The following DGKB variants were observed in gnomAD, a reference collection of about 807,000 sequenced individuals.
The protein encoded by DGKB is diacylglycerol kinase beta.
A neutral mutation model predicts 114.3 loss-of-function variants in DGKB; 67 were observed. The ratio of observed to expected loss-of-function variants is 0.59; its 90% CI spans 0.48 to 0.72. The LOEUF (loss-of-function observed/expected upper bound fraction) is 0.72, where lower values mean the gene tolerates loss of function less well. Among genes scored for constraint, DGKB ranks in the 30% least tolerant of loss-of-function variants. The pLI, the probability that DGKB is intolerant of heterozygous loss-of-function variation, is 0.00. For synonymous variants in DGKB, 398 were observed against 323.1 expected (o/e 1.23, Z -2.49); for missense variants, 907 against 975.2 (o/e 0.93, Z 0.93).
Position 14,788,327 on chromosome 7 carries a change from A to G in DGKB, c.71-30596T>C, listed in dbSNP as rs953299038. Among the ~76,000 whole-genome samples, 6 of 152,084 alleles carry G rather than the reference A, an allele frequency of 3.9e-5. No individual in the cohort carries two copies. In the East Asian group the frequency reaches 9.7e-4, roughly 24 times the overall value. On this transcript the variant is annotated intron_variant, in intron 2 of 25. Transcript: ENST00000402815. ...TGAAAGCTTCCACCACCACCTCAAA[A>G]TCCACCAAAGCCTTGTCTATTAACT...
intron 2 of DGKB, among the ~76,000 whole-genome samples, chr7:14,808,689 G>A (rs914059565): frequency 3.9e-5 from 6 of 152,074 alleles, no homozygotes; most frequent in Non-Finnish European, 7.4e-5. Context: ...GGTGGAAACT[G>A]ATGAGAATAG....
intron 20 of DGKB, among the ~76,000 whole-genome samples, chr7:14,541,981 T>C (rs1793539001): frequency 6.6e-6 from 1 of 152,188 alleles, no homozygotes; most frequent in Non-Finnish European, 1.5e-5. Flanking sequence ...GTGATTGTGC[T>C]AGACTCCATA....
intron 23 of DGKB, among the ~76,000 whole-genome samples, chr7:14,187,150 A>G (rs748109300): frequency 5.9e-5 from 9 of 152,250 alleles, no homozygotes; most frequent in Admixed American, 6.5e-5. Flanking sequence ...TGTAATCACA[A>G]AATTAAAATG....
intron 23 of DGKB, among the ~76,000 whole-genome samples, chr7:14,313,672 G>T (rs559948566): frequency 9.9e-5 from 15 of 152,276 alleles, no homozygotes; most frequent in Non-Finnish European, 2.1e-4. Flanking sequence ...AGCAGTCTGA[G>T]ATCAAACTGC....
intron 20 of DGKB, among the ~76,000 whole-genome samples, chr7:14,522,194 T>C (rs1013130187): frequency 6.6e-6 from 1 of 152,260 alleles, no homozygotes; most frequent in African/African-American, 2.4e-5. Context: ...ACATTTTAGA[T>C]TACATTTGAA....
chr7:14,893,782 C>A (rs927037129), intron 1 of DGKB, among the ~76,000 whole-genome samples: 2 of 151,294 alleles, frequency 1.3e-5, no homozygotes, highest in African/African-American at 4.8e-5. Context: ...AACTCAAATT[C>A]TAAATTATCT....
chr7:14,207,206 T>A (rs1212982877), intron 23 of DGKB, among the ~76,000 whole-genome samples: 2 of 152,050 alleles, frequency 1.3e-5, no homozygotes, highest in South Asian at 2.1e-4. Context: ...ATGTGATCCA[T>A]CAACATATGA....
intron 2 of DGKB, among the ~76,000 whole-genome samples, chr7:14,828,000 A>G (rs1845924963): frequency 6.6e-6 from 1 of 152,086 alleles, no homozygotes; most frequent in Non-Finnish European, 1.5e-5. Flanking sequence ...AAACTTGGGG[A>G]AGGTGGCAGC....
At chr7:14,456,940 A>G (rs1832370759) in intron 21 of DGKB, among the ~76,000 whole-genome samples, 1 of 152,090 alleles carries the variant, frequency 6.6e-6, no homozygotes, top group African/African-American at 2.4e-5. Context: ...AAGAAAAGAG[A>G]TAGGACCCCT....
intron 15 of DGKB, among the ~76,000 whole-genome samples, chr7:14,618,038 A>G (rs537888266): frequency 8.4e-4 from 128 of 151,744 alleles, no homozygotes; most frequent in African/African-American, 3.1e-3. Flanking sequence ...TTCTGGGTTT[A>G]CATTGAGAGT....
At chr7:14,451,074 C>G (rs1187034498) in intron 21 of DGKB, among the ~76,000 whole-genome samples, 4 of 152,016 alleles carry the variant, frequency 2.6e-5, no homozygotes, top group African/African-American at 9.7e-5. Flanking sequence ...TAGAGACCAT[C>G]TGCCATCTGG....
At chr7:14,314,227 C>T (rs1309076812) in intron 23 of DGKB, among the ~76,000 whole-genome samples, 4 of 152,146 alleles carry the variant, frequency 2.6e-5, no homozygotes, top group Non-Finnish European at 4.4e-5. Context: ...CAGAGCGCCT[C>T]TCCTCCTCCA....
At chr7:14,482,161 C>A (rs560510035) in intron 20 of DGKB, among the ~76,000 whole-genome samples, 100 of 151,956 alleles carry the variant, frequency 6.6e-4, no homozygotes, top group African/African-American at 2.2e-3. Flanking sequence ...ATAATACCTG[C>A]CTTGCTTTGA....
intron 1 of DGKB, among the ~76,000 whole-genome samples, chr7:14,926,489 T>G (rs1265821289): frequency 6.6e-6 from 1 of 151,562 alleles, no homozygotes; most frequent in Non-Finnish European, 1.5e-5. Context: ...GCATTATGTT[T>G]AGTGTTTTTT....
At chr7:14,169,183 C>T (rs1458409755) in intron 25 of DGKB, among the ~76,000 whole-genome samples, 1 of 143,040 alleles carries the variant, frequency 7.0e-6, no homozygotes. Flanking sequence ...CACGGTGAAA[C>T]CCAGTCTCTA....
At chr7:14,423,404 T>C (rs760661991) in intron 21 of DGKB, among the ~76,000 whole-genome samples, 2 of 152,054 alleles carry the variant, frequency 1.3e-5, no homozygotes, top group Non-Finnish European at 2.9e-5. Flanking sequence ...AGTAAAATTG[T>C]CTGACGTTTA....
intron 2 of DGKB, among the ~76,000 whole-genome samples, chr7:14,759,419 C>A (rs1439586890): frequency 6.6e-6 from 1 of 152,144 alleles, no homozygotes; most frequent in Non-Finnish European, 1.5e-5. Context: ...CCTGTATTTT[C>A]TCCCCTCTAA....
At chr7:14,220,440 C>A (rs1377392243) in intron 23 of DGKB, among the ~76,000 whole-genome samples, 1 of 151,418 alleles carries the variant, frequency 6.6e-6, no homozygotes, top group Non-Finnish European at 1.5e-5. Flanking sequence ...CAGATACATG[C>A]ATTTATTTAT....
chr7:14,189,937 T>G (rs193289735), intron 23 of DGKB, among the ~76,000 whole-genome samples: 1 of 152,078 alleles, frequency 6.6e-6, no homozygotes, highest in Admixed American at 6.6e-5. Context: ...AAGGGAGAGA[T>G]AGAACACAAT....
Sources: gnomAD v4.1 joint callset for allele counts (sites outside exome capture counted in the v4.1 genomes callset) on GRCh38, gnomAD v4.1.1 for gene constraint, MANE v1.5 for transcripts, NCBI Gene and HGNC (gene_info 2026-07-23, HGNC 2026-07-21) for gene names.